LRATD1: variants seen among roughly 807,000 people sequenced by gnomAD.
The protein encoded by LRATD1 is protein LRATD1.
LRATD1 carries 8 observed loss-of-function variants against 21.3 expected under a neutral mutation model. The ratio of observed to expected loss-of-function variants is 0.38; its 90% confidence interval spans 0.22 to 0.68. The LOEUF is 0.68. Ranked by LOEUF, LRATD1 falls within the 30% of genes least tolerant of loss-of-function variation. LRATD1 has a pLI of 0.54. For missense variants in LRATD1, 380 were observed against 404.0 expected, an observed-to-expected ratio of 0.94 and a Z score of 0.51; for synonymous variants, 210 against 186.2, an observed-to-expected ratio of 1.13 and a Z score of -1.04.
chr2:14,648,039 T>C (rs1671925224), intron 4 of LRATD1, among the ~76,000 whole-genome samples: 2 of 152,288 alleles, frequency 1.3e-5, no homozygotes, highest in Admixed American at 1.3e-4. Context: ...CCCTTTCAAC[T>C]GAAAACTCTA....
At chr2:14,648,243 CTATTT>C (rs1671930182) in intron 4 of LRATD1, among the ~76,000 whole-genome samples, 1 of 152,136 alleles carries the variant, frequency 6.6e-6, no homozygotes, top group Non-Finnish European at 1.5e-5. Flanking sequence ...GAGCCTCTGC[CTATTT>C]TATTAGCACA....
rs764766112 is a variant in LRATD1, at chr2:14,634,458, A to G, written c.479A>G (p.Glu160Gly). 4.6e-6 allele frequency: 7 copies of G among 1,521,474 alleles called. No individual in the cohort carries two copies. Among genetic ancestry groups the G allele is most frequent in the Non-Finnish European group, 6.2e-6 (7 of 1,137,004 alleles). 94.2% of individuals were successfully genotyped at this position (1,521,474 alleles called of 1,614,324 possible). A position where few individuals can be genotyped will look rare whatever the true frequency, so the allele number is the denominator to read the frequency against. ...GGQIIHLHQG[E>G]IRQDSLYEAG... ...CAGATCATCCACCTGCACCAAGGCGAGATCCGCCAGGACAGCCTGTATGAG... is the reference window on the plus strand; with the variant it reads ...CAGATCATCCACCTGCACCAAGGCGGGATCCGCCAGGACAGCCTGTATGAG... The change falls in exon 2 of 2, where the codon GAG (glutamate) becomes GGG (glycine). Residue 160 changes from glutamate to glycine, a missense_variant. Physicochemically the swap from Glu to Gly is moderately conservative, Grantham distance 98 (BLOSUM62 -2). Coordinates refer to ENST00000295092, the MANE Select transcript of LRATD1 (RefSeq NM_145175.4).
rs544305738 is a variant in LRATD1 at position 14,636,757 on chromosome 2, T to C, written c.*1899T>C. The stretch of plus-strand genomic sequence containing the variant: ...AAGTATTATGGCCAAAGCCAGTTTC[T>C]TGGCATTTCAAAAATAATGCAATAA... On this transcript the variant is annotated 3_prime_UTR_variant, in exon 2 of 2. Coordinates refer to ENST00000295092, the MANE Select transcript of LRATD1 (RefSeq NM_145175.4). The C allele has an allele frequency of 1.3e-4, 22 of 167,290 alleles. No homozygotes were observed. Among genetic ancestry groups the C allele is most frequent in the African/African-American group, 5.3e-4 (22 of 41,602 alleles). 10.4% of individuals were successfully genotyped at this position (167,290 alleles called of 1,614,324 possible).
rs1323215518 is a variant in LRATD1, at chr2:14,636,413, G to A, written c.*1555G>A. The A allele has an allele frequency of 1.2e-5, 2 of 167,036 alleles. No homozygotes were observed. Among genetic ancestry groups the A allele is most frequent in the Non-Finnish European group, 2.9e-5 (2 of 68,132 alleles). The allele number at this position is 167,036 out of a possible 1,614,324, so 10.3% of individuals were successfully genotyped here. A position where few individuals can be genotyped will look rare whatever the true frequency, so the allele number is the denominator to read the frequency against. ...CCTTAAAAATGAATCTAGAGTTGGT[G>A]GCTTTTTCCCCCTCCTCTTTGGCCA... is the stretch of plus-strand genomic sequence containing the variant. On this transcript the variant is annotated 3_prime_UTR_variant, in exon 2 of 2. Transcript: ENST00000295092.
rs899733918 is a variant in LRATD1, at chr2:14,637,017, A to T, written c.*2159A>T. On this transcript the variant is annotated 3_prime_UTR_variant, in exon 2 of 2. Transcript: ENST00000295092. ...TGCATATGCTTTTCTTTCAGCACAA[A>T]CAACAGCAAAAACTTTTGTAATAAC... 3 of 167,096 alleles carry T rather than the reference A, an allele frequency of 1.8e-5. No homozygotes were observed. The highest frequency in any genetic ancestry group is 7.2e-5 in the African/African-American group (3 of 41,458). The allele number at this position is 167,096 out of a possible 1,614,324, so 10.4% of individuals were successfully genotyped here.
Position 14,634,047 on chromosome 2 carries a change from G to A in LRATD1, c.68G>A (p.Gly23Glu). The A allele has an allele frequency of 6.2e-7, 1 of 1,614,136 alleles. No homozygotes were observed. Among genetic ancestry groups the A allele is most frequent in the Non-Finnish European group, 8.5e-7 (1 of 1,180,030 alleles). Residue 23 changes from glycine (G) to glutamate (E), a missense_variant, in exon 2 of 2, where the codon GGG becomes GAG. Physicochemically the swap from Gly to Glu is moderately conservative, Grantham distance 98. Coordinates refer to ENST00000295092, the MANE Select transcript of LRATD1 (RefSeq NM_145175.4). ...YSELPTGDPSGIEKDELRVGV... is the reference protein window; with the variant it reads ...YSELPTGDPSEIEKDELRVGV... ...GAGTTGCCCACAGGGGACCCGTCGGGGATTGAAAAGGACGAACTGCGGGTC... is the reference window on the plus strand; with the variant it reads ...GAGTTGCCCACAGGGGACCCGTCGGAGATTGAAAAGGACGAACTGCGGGTC...
Position 14,634,714 on chromosome 2 carries a change from C to T in LRATD1, c.735C>T (p.Leu245=), listed in dbSNP as rs1298249534. Residue 245 remains leucine, a synonymous_variant, in exon 2 of 2, where the codon CTC becomes CTT. Transcript: ENST00000295092. ...AGCCCCCGCAGCAGCAGTACTATCT[C>T]AAGGTGCACCTGGGAGAGAACAAGG... is the stretch of plus-strand genomic sequence containing the variant. ...GTQPPQQQYY[L]KVHLGENKVH... 1.3e-6 allele frequency: 2 copies of T among 1,555,682 alleles called. No homozygotes were observed. Among genetic ancestry groups the T allele is most frequent in the South Asian group, 2.4e-5 (2 of 83,344 alleles).
chr2:14,634,916 C>T lies in LRATD1; in HGVS notation c.*58C>T, dbSNP rs545568492. ...CCGCACCTCGCTCCCTTCCCTTCCC[C>T]GCACCCGGACTTCGCAGTCAGCGGT... On this transcript the variant is annotated 3_prime_UTR_variant, in exon 2 of 2. Transcript: ENST00000295092. 1.5e-3 allele frequency: 2,354 copies of T among 1,535,500 alleles called. 53 individuals carry two copies. In the South Asian group the frequency reaches 0.027, roughly 18 times the overall value.
chr2:14,634,260 G>T lies in LRATD1; in HGVS notation c.281G>T (p.Cys94Phe). ...TTTTCCGCCTTTCGGGGCCAGGAAT[G>T]CATCTTTTCCAAAGTGAGCGGTGGC... ...TQFSAFRGQE[C>F]IFSKVSGGPQ... Residue 94 changes from cysteine (C) to phenylalanine (F), a missense_variant, in exon 2 of 2, where the codon TGC becomes TTC. Coordinates refer to ENST00000295092, the MANE Select transcript of LRATD1 (RefSeq NM_145175.4). 6.2e-7 allele frequency: 1 copy of T among 1,608,888 alleles called. No homozygotes were observed. The highest frequency in any genetic ancestry group is 8.5e-7 in the Non-Finnish European group (1 of 1,179,676).
downstream of LRATD1, among the ~76,000 whole-genome samples, chr2:14,641,631 C>A (rs1048354360): frequency 1.3e-5 from 2 of 152,186 alleles, no homozygotes; most frequent in African/African-American, 4.8e-5. Flanking sequence ...AAAGCCTGAG[C>A]TCCTTAGTGG....
At chr2:14,640,315 A>G (rs1341606681), downstream of LRATD1, among the ~76,000 whole-genome samples, 2 of 152,244 alleles carry the variant, frequency 1.3e-5, no homozygotes, top group African/African-American at 4.8e-5. Context: ...CTAAATACAC[A>G]TTACTCATTT....
At chr2:14,651,198 GTTTC>G (rs2103415782), downstream of LRATD1, among the ~76,000 whole-genome samples, 1 of 151,822 alleles carries the variant, frequency 6.6e-6, no homozygotes, top group African/African-American at 2.4e-5. Context: ...ATCTCATATT[GTTTC>G]TTTTTTTTTC....
Position 14,635,798 on chromosome 2 carries a change from G to A in LRATD1, c.*940G>A, listed in dbSNP as rs1230239912. ...AATAGTCATATTTTTAAAGGAGTTG[G>A]AGGAGAGGGAGGGGGAGGACATGGC... On this transcript the variant is annotated 3_prime_UTR_variant, in exon 2 of 2. Transcript: ENST00000295092. 1 of 377,262 alleles carries A rather than the reference G, an allele frequency of 2.7e-6. No homozygotes were observed. Among genetic ancestry groups the A allele is most frequent in the Non-Finnish European group, 5.4e-6 (1 of 183,640 alleles). 23.4% of individuals were successfully genotyped at this position (377,262 alleles called of 1,614,324 possible). A position where few individuals can be genotyped will look rare whatever the true frequency, so the allele number is the denominator to read the frequency against.
rs1671610236 is a variant in LRATD1, at chr2:14,633,890, C to T, written c.-36-54C>T. On this transcript the variant is annotated intron_variant, in intron 1 of 1. Transcript: ENST00000295092. This position sits in a 1 kb window ranked among gnomAD's most constrained non-coding sequence, Gnocchi z 7.5. The stretch of plus-strand genomic sequence containing the variant: ...CACTGCACGTCTTGGGGAGGGACAC[C>T]GAAAGGGGCAGCCCGGACTCTGACG... 6.1e-6 allele frequency: 9 copies of T among 1,486,880 alleles called. No homozygotes were observed. The highest frequency in any genetic ancestry group is 8.1e-6 in the Non-Finnish European group (9 of 1,106,354). The allele number at this position is 1,486,880 out of a possible 1,614,324, so 92.1% of individuals were successfully genotyped here.
chr2:14,634,383 C>G lies in LRATD1; in HGVS notation c.404C>G (p.Pro135Arg). ...GAGCTGCTGTGGCTGCAGCCCGCGCCGGAGCCGCCCGCGCCCGCCCCGCAC... is the reference window on the plus strand; with the variant it reads ...GAGCTGCTGTGGCTGCAGCCCGCGCGGGAGCCGCCCGCGCCCGCCCCGCAC... Reference protein sequence around the residue: ...LLELLWLQPAPEPPAPAPHWA... With the variant: ...LLELLWLQPAREPPAPAPHWA... The change falls in exon 2 of 2, where the codon CCG becomes CGG. Residue 135 changes from proline (P) to arginine (R), a missense_variant. Physicochemically the swap from Pro to Arg is moderately radical, Grantham distance 103. Transcript: ENST00000295092. The G allele has an allele frequency of 6.5e-7, 1 of 1,547,034 alleles. No homozygotes were observed. The highest frequency in any genetic ancestry group is 8.7e-7 in the Non-Finnish European group (1 of 1,149,366).
At position 14,633,666 on chromosome 2, in the gene LRATD1, C is replaced by T; in HGVS notation, c.-36-278C>T. Reference sequence around the variant, plus strand: ...CTCCTCCCCACCGGGACCCCGCAAGCTCTCCAGCCAGCCTGGGTGTTTTCT... The same window carrying T: ...CTCCTCCCCACCGGGACCCCGCAAGTTCTCCAGCCAGCCTGGGTGTTTTCT... On this transcript the variant is annotated intron_variant, in intron 1 of 1. Transcript: ENST00000295092. The surrounding 1 kb of genome is among the most constrained non-coding windows in gnomAD (Gnocchi z 7.5). The T allele has an allele frequency of 5.5e-6, 2 of 365,054 alleles. No homozygotes were observed. The highest frequency in any genetic ancestry group is 5.8e-5 in the South Asian group (1 of 17,130). 22.6% of individuals were successfully genotyped at this position (365,054 alleles called of 1,614,324 possible). A position where few individuals can be genotyped will look rare whatever the true frequency, so the allele number is the denominator to read the frequency against.
At position 14,634,600 on chromosome 2, in the gene LRATD1, C is replaced by A. The variant is rs1179645277; in HGVS notation, c.621C>A (p.Ile207=). The A allele has an allele frequency of 5.3e-6, 8 of 1,513,340 alleles. No individual in the cohort carries two copies. Among genetic ancestry groups the A allele is most frequent in the Non-Finnish European group, 7.1e-6 (8 of 1,126,776 alleles). 93.7% of individuals were successfully genotyped at this position (1,513,340 alleles called of 1,614,324 possible). ...ACCTGGGCCTCAAGAGCGAGGAGATCTGCTGGACGAACTCGGAGAGCTTCG... is the reference window on the plus strand; with the variant it reads ...ACCTGGGCCTCAAGAGCGAGGAGATATGCTGGACGAACTCGGAGAGCTTCG... The part of the protein sequence containing the change: ...CGHLGLKSEE[I]CWTNSESFAA... The change falls in exon 2 of 2, where the codon ATC becomes ATA. Residue 207 remains isoleucine (I), a synonymous_variant. Transcript: ENST00000295092.
intron 4 of LRATD1, among the ~76,000 whole-genome samples, chr2:14,647,105 A>C (rs752346222): frequency 6.6e-6 from 1 of 152,298 alleles, no homozygotes; most frequent in Non-Finnish European, 1.5e-5. Context: ...ACCCTAACTC[A>C]CAATGTTAGG....
chr2:14,645,487 G>A (rs1034743685), intron 2 of LRATD1, among the ~76,000 whole-genome samples: 1 of 152,032 alleles, frequency 6.6e-6, no homozygotes, highest in South Asian at 2.1e-4. Flanking sequence ...AAAACCCCTT[G>A]TCTTTTAAAA....
Sources: gnomAD v4.1 joint callset for allele counts (sites outside exome capture counted in the v4.1 genomes callset) on GRCh38, gnomAD v4.1.1 for gene constraint, Gnocchi (gnomAD v3.1) non-coding constraint, MANE v1.5 for transcripts, NCBI Gene and HGNC (gene_info 2026-07-23, HGNC 2026-07-21) for gene names.